The following SDC3 variants were observed in gnomAD, a reference collection of about 807,000 sequenced individuals.
The protein encoded by SDC3 is syndecan 3.
A neutral mutation model predicts 24.4 loss-of-function variants in SDC3; 13 were observed. The observed-to-expected ratio is 0.53, with a 90% CI of 0.35 to 0.85. The LOEUF is 0.85. Ranked by LOEUF, SDC3 falls within the 40% of genes least tolerant of loss-of-function variation. The pLI, the probability that SDC3 is intolerant of heterozygous loss-of-function variation, is 0.01. For missense variants in SDC3, 571 were observed against 584.5 expected (o/e 0.98, Z 0.24); for synonymous variants, 295 against 260.9 (o/e 1.13, Z -1.26).
chr1:30,886,335 C>T (rs1639827915), intron 1 of SDC3, among the ~76,000 whole-genome samples: 1 of 152,152 alleles, frequency 6.6e-6, no homozygotes, highest in Admixed American at 6.5e-5. Context: ...GCTCAGCTCA[C>T]ACAATGCCTC....
chr1:30,886,248 A>C (rs980360508), intron 1 of SDC3, among the ~76,000 whole-genome samples: 2 of 152,130 alleles, frequency 1.3e-5, no homozygotes, highest in Non-Finnish European at 2.9e-5. Context: ...CTGGTTAATC[A>C]GTAAAACCAA....
chr1:30,875,833 T>C (rs1259531444), intron 3 of SDC3, among the ~76,000 whole-genome samples: 9 of 152,194 alleles, frequency 5.9e-5, no homozygotes, highest in Admixed American at 5.9e-4. Flanking sequence ...CACCTCCCTG[T>C]GCACCCACAG....
At chr1:30,886,250 T>TAA (rs935901728) in intron 1 of SDC3, among the ~76,000 whole-genome samples, 1 of 152,166 alleles carries the variant, frequency 6.6e-6, no homozygotes, top group Non-Finnish European at 1.5e-5. Flanking sequence ...GGTTAATCAG[T>TAA]AAAACCAATG....
In SDC3 at chr1:30,876,641, T is replaced by C. The variant is rs754678597; in HGVS notation, c.781A>G (p.Arg261Gly). 4 of 1,585,490 alleles carry C rather than the reference T, an allele frequency of 2.5e-6. No homozygotes were observed. In the African/African-American group the frequency reaches 5.4e-5, roughly 21 times the overall value. Residue 261 changes from arginine to glycine, a missense_variant, in exon 3 of 5, where the codon AGG (arginine) becomes GGG (glycine). By Grantham distance (125) the Arg-to-Gly change is moderately radical. Transcript: ENST00000339394. ...TATSRPRALP[R>G]PATTQEPDIP... ...TCAGGCTCCTGGGTGGTGGCCGGCC[T>C]GGGAAGGGCTCTTGGCCGGGAGGTA...
chr1:30,907,566 T>G (rs1319131733), intron 1 of SDC3, among the ~76,000 whole-genome samples: 1 of 151,900 alleles, frequency 6.6e-6, no homozygotes, highest in Non-Finnish European at 1.5e-5. Flanking sequence ...CCTCACCCAC[T>G]GCAGCCACAC....
chr1:30,874,928 C>T (rs568949736), intron 3 of SDC3, among the ~76,000 whole-genome samples: 3 of 152,310 alleles, frequency 2.0e-5, no homozygotes, highest in Non-Finnish European at 4.4e-5. Context: ...CTCCAGCTGC[C>T]TTAGTAACAA....
chr1:30,881,055 G>T (rs1283210160), intron 1 of SDC3, among the ~76,000 whole-genome samples: 1 of 128,290 alleles, frequency 7.8e-6, no homozygotes, highest in East Asian at 2.2e-4. Flanking sequence ...ACACACACAC[G>T]ACAGCCCAAC....
intron 1 of SDC3, among the ~76,000 whole-genome samples, chr1:30,886,464 G>A (rs1639831162): frequency 6.6e-6 from 1 of 152,216 alleles, no homozygotes; most frequent in East Asian, 1.9e-4. Flanking sequence ...AAGGGAGAAG[G>A]CCCACCAACC....
intron 1 of SDC3, among the ~76,000 whole-genome samples, chr1:30,904,949 G>A (rs2124346526): frequency 6.6e-6 from 1 of 152,258 alleles, no homozygotes; most frequent in African/African-American, 2.4e-5. Context: ...TTATAGACAA[G>A]GACTTTGAGA....
intron 1 of SDC3, among the ~76,000 whole-genome samples, chr1:30,894,649 GGT>G (rs1188536002): frequency 7.2e-5 from 2 of 27,712 alleles, no homozygotes; most frequent in Admixed American, 3.1e-4. Context: ...GTGTGTGTGG[GGT>G]GTGTGTGGGT....
chr1:30,881,651 G>A (rs201427241), intron 1 of SDC3, among the ~76,000 whole-genome samples: 81 of 152,352 alleles, frequency 5.3e-4, no homozygotes, highest in Admixed American at 1.8e-3. Flanking sequence ...GCCGCTGAGC[G>A]TTCCCAGGGC....
intron 1 of SDC3, among the ~76,000 whole-genome samples, chr1:30,899,927 C>T (rs190806070): frequency 6.6e-6 from 1 of 152,314 alleles, no homozygotes; most frequent in East Asian, 1.9e-4. Flanking sequence ...GAGTGAGCAA[C>T]GCAGTCAATC....
At chr1:30,887,153 G>A (rs1020054759) in intron 1 of SDC3, among the ~76,000 whole-genome samples, 4 of 152,090 alleles carry the variant, frequency 2.6e-5, no homozygotes, top group Non-Finnish European at 4.4e-5. Flanking sequence ...GCACTCACAC[G>A]ACAGGTGGCC....
intron 1 of SDC3, among the ~76,000 whole-genome samples, chr1:30,900,473 G>A (rs1288666078): frequency 3.6e-4 from 55 of 152,182 alleles, no homozygotes; most frequent in Non-Finnish European, 1.5e-5. Flanking sequence ...GGATGACAGA[G>A]GGTAAAGACT....
rs1639489520 is a variant in SDC3 at position 30,869,524 on chromosome 1, A to AAGC, written c.*3686_*3687insGCT. 2.7e-6 allele frequency: 1 copy of AAGC among 364,246 alleles called. No individual in the cohort carries two copies. The highest frequency in any genetic ancestry group is 2.5e-5 in the African/African-American group (1 of 39,792). 22.6% of individuals were successfully genotyped at this position (364,246 alleles called of 1,614,324 possible). On this transcript the variant is annotated 3_prime_UTR_variant, in exon 5 of 5. Coordinates refer to ENST00000339394, the MANE Select transcript of SDC3 (RefSeq NM_014654.4). ...TGGGCACAGCACAGGAAGTGTTAAA[A>AAGC]AAACAAACAAACAAAAAAAAAAAAA...
intron 1 of SDC3, among the ~76,000 whole-genome samples, chr1:30,900,687 C>T (rs1210160624): frequency 6.6e-6 from 1 of 152,186 alleles, no homozygotes; most frequent in Non-Finnish European, 1.5e-5. Flanking sequence ...TAATGAGCCG[C>T]CCACAGCCCC....
chr1:30,878,814 G>C, intron 1 of SDC3, 74 bp from the exon 2 acceptor site: 1 of 1,247,280 alleles, frequency 8.0e-7, no homozygotes, highest in Admixed American at 1.7e-5. Flanking sequence ...AAGGGCGACA[G>C]GTGCCCTTGT....
chr1:30,904,662 T>A (rs759861063), intron 1 of SDC3, among the ~76,000 whole-genome samples: 12 of 152,178 alleles, frequency 7.9e-5, no homozygotes, highest in Middle Eastern at 3.4e-3. Flanking sequence ...CCAGTAGTGA[T>A]TCTAAAAGCC....
rs559961718 is a variant in SDC3, at chr1:30,876,397, C to A, written c.870+155G>T. ...TTTCTGTCCCTCTTCCCTCCCTATC[C>A]GATCTCTGTCCCTTGGTCCTGCCCC... On this transcript the variant is annotated intron_variant, in intron 3 of 4. Transcript: ENST00000339394. Among the ~76,000 whole-genome samples the A allele has an allele frequency of 3.9e-5, 6 of 152,182 alleles. No homozygotes were observed. The South Asian group carries it at 8.3e-4, about 21-fold the overall frequency.
Sources: allele counts gnomAD v4.1 joint callset (sites outside exome capture counted in the v4.1 genomes callset), GRCh38; gene constraint gnomAD v4.1.1; transcripts MANE v1.5; gene names NCBI Gene and HGNC (gene_info 2026-07-23, HGNC 2026-07-21).